Variants in KDM4C observed in about 807,000 individuals in gnomAD.
KDM4C encodes the protein lysine-specific demethylase 4C.
KDM4C carries 81 observed loss-of-function variants against 129.3 expected under a neutral mutation model. The observed-to-expected ratio is 0.63, with a 90% CI of 0.52 to 0.75. The LOEUF (loss-of-function observed/expected upper bound fraction) is 0.75. KDM4C is among the 30% of genes least tolerant of loss of function. The probability of loss-of-function intolerance (pLI) is 0.00; values close to 1 mark genes in which losing one functional copy is unlikely to be tolerated. For missense variants in KDM4C, 1,457 were observed against 1,304.0 expected (o/e 1.12, Z -1.81); for synonymous variants, 573 against 456.1 (o/e 1.26, Z -3.26).
intron 18 of KDM4C, among the ~76,000 whole-genome samples, chr9:7,115,450 A>C (rs1011012234): frequency 2.6e-5 from 4 of 152,172 alleles, no homozygotes. Context: ...ACAGTAGAAA[A>C]ATATAAATGG....
chr9:6,813,291 C>T (rs1292238947), intron 3 of KDM4C, among the ~76,000 whole-genome samples: 1 of 152,188 alleles, frequency 6.6e-6, no homozygotes, highest in Admixed American at 6.5e-5. Flanking sequence ...CTGCTTTGGG[C>T]TCCCAAAATG....
intron 17 of KDM4C, among the ~76,000 whole-genome samples, chr9:7,098,674 A>G (rs945849233): frequency 1.3e-5 from 2 of 151,624 alleles, no homozygotes; most frequent in African/African-American, 4.8e-5. Flanking sequence ...CTCCCCAGCC[A>G]CTCTTTAGCT....
Position 6,805,777 on chromosome 9 carries a change from G to A in KDM4C, c.320+3G>A, listed in dbSNP as rs893533098. 4 of 1,607,174 alleles carry A rather than the reference G, an allele frequency of 2.5e-6. No individual in the cohort carries two copies. In the African/African-American group the frequency reaches 5.4e-5, roughly 22 times the overall value. ...AGGCAGCTGGCCAACAGTGGCAAGTGAGTAGAATCAGTTTGCTATTTCTGT... is the reference window on the plus strand; with the variant it reads ...AGGCAGCTGGCCAACAGTGGCAAGTAAGTAGAATCAGTTTGCTATTTCTGT... On this transcript the variant is annotated splice_donor_region_variant and intron_variant, in intron 3 of 21. Transcript: ENST00000381309.
chr9:7,030,896 C>G (rs918449368), intron 15 of KDM4C, among the ~76,000 whole-genome samples: 1 of 152,056 alleles, frequency 6.6e-6, no homozygotes, highest in Non-Finnish European at 1.5e-5. Context: ...GGTTGGAATT[C>G]TCATTCCATA....
intron 15 of KDM4C, among the ~76,000 whole-genome samples, chr9:7,022,670 G>C (rs1260285532): frequency 6.8e-6 from 1 of 148,082 alleles, no homozygotes; most frequent in African/African-American, 2.5e-5. Context: ...ACGCTGGCTA[G>C]GATTTCCAGT....
intron 8 of KDM4C, among the ~76,000 whole-genome samples, chr9:6,958,320 C>G (rs576231860): frequency 5.9e-5 from 9 of 152,202 alleles, no homozygotes; most frequent in African/African-American, 1.9e-4. Flanking sequence ...TGCGGTGGCT[C>G]ACGCTTGTAA....
intron 8 of KDM4C, among the ~76,000 whole-genome samples, chr9:6,922,226 T>A: frequency 6.6e-6 from 1 of 152,214 alleles, no homozygotes; most frequent in Non-Finnish European, 1.5e-5. Flanking sequence ...TCTATCTAAT[T>A]CCTATCTTAA....
intron 8 of KDM4C, among the ~76,000 whole-genome samples, chr9:6,916,984 T>C (rs2131149133): frequency 6.6e-6 from 1 of 152,364 alleles, no homozygotes; most frequent in South Asian, 2.1e-4. Flanking sequence ...AATGAGGGAA[T>C]CTGCCTATTC....
chr9:6,857,523 C>T (rs1327295861), intron 5 of KDM4C, among the ~76,000 whole-genome samples: 1 of 152,140 alleles, frequency 6.6e-6, no homozygotes, highest in East Asian at 1.9e-4. Flanking sequence ...GACCACTGCT[C>T]AGCACAGAAT....
chr9:6,986,307 T>C (rs755404135), intron 10 of KDM4C, 37 bp from the exon 11 acceptor site: 7 of 1,408,742 alleles, frequency 5.0e-6, no homozygotes, highest in Non-Finnish European at 6.9e-6. Flanking sequence ...AGTAATACAG[T>C]GCATGATTTA....
At chr9:6,838,334 T>C (rs1836259317) in intron 4 of KDM4C, among the ~76,000 whole-genome samples, 1 of 152,210 alleles carries the variant, frequency 6.6e-6, no homozygotes, top group Non-Finnish European at 1.5e-5. Context: ...CTTCCCGGTA[T>C]GCACAGTGAT....
At chr9:7,143,361 G>A (rs1841940591) in intron 19 of KDM4C, among the ~76,000 whole-genome samples, 1 of 152,242 alleles carries the variant, frequency 6.6e-6, no homozygotes, top group Non-Finnish European at 1.5e-5. Flanking sequence ...CAAATCAGAT[G>A]TTAGCAAGAA....
chr9:7,125,684 AG>A (rs1839961430), intron 18 of KDM4C, among the ~76,000 whole-genome samples: 2 of 152,220 alleles, frequency 1.3e-5, no homozygotes, highest in South Asian at 4.1e-4. Flanking sequence ...TGTATTTCCC[AG>A]GAGTGTTCTA....
intron 17 of KDM4C, among the ~76,000 whole-genome samples, chr9:7,086,031 G>A (rs1292201800): frequency 2.6e-5 from 4 of 152,006 alleles, no homozygotes; most frequent in East Asian, 3.9e-4. Context: ...AGTGGCATGC[G>A]CCTGTAGTCC....
rs979658866 is a variant in KDM4C, at chr9:6,744,570, T to C, written c.49+23573T>C. On this transcript the variant is annotated intron_variant, in intron 1 of 17. Transcript: ENST00000536108. The stretch of plus-strand genomic sequence containing the variant: ...CTAGTAACAGCTTAATTTTTAAAAA[T>C]ATTTATAATAGAGACAGGGTCTACT... Among the ~76,000 whole-genome samples the C allele has an allele frequency of 2.0e-5, 3 of 151,996 alleles. 1 individual carries two copies.
intron 5 of KDM4C, among the ~76,000 whole-genome samples, chr9:6,850,899 C>T (rs563891970): frequency 5.7e-4 from 86 of 151,918 alleles, no homozygotes; most frequent in Non-Finnish European, 1.1e-3. Flanking sequence ...GGATGACAGG[C>T]GTGTGCCACC....
At chr9:7,030,793 G>A (rs1826595013) in intron 15 of KDM4C, among the ~76,000 whole-genome samples, 1 of 152,142 alleles carries the variant, frequency 6.6e-6, no homozygotes, top group African/African-American at 2.4e-5. Context: ...AACAAAAAAA[G>A]CAGCTATCCA....
chr9:7,174,803 G>T lies in KDM4C; in HGVS notation c.*74G>T. 1 of 1,352,390 alleles carries T rather than the reference G, an allele frequency of 7.4e-7. No individual in the cohort carries two copies. The highest frequency in any genetic ancestry group is 1.0e-6 in the Non-Finnish European group (1 of 967,484). 83.8% of individuals were successfully genotyped at this position (1,352,390 alleles called of 1,614,324 possible). A position where few individuals can be genotyped will look rare whatever the true frequency, so the allele number is the denominator to read the frequency against. ...AAGATGAAGGGACATCCTTGGGGCT[G>T]TGCCGTGAGTTTTGCTGGCATAGGT... On this transcript the variant is annotated 3_prime_UTR_variant, in exon 22 of 22. Coordinates refer to ENST00000381309, the MANE Select transcript of KDM4C (RefSeq NM_015061.6).
rs149774727 is a variant in KDM4C at position 7,104,527 on chromosome 9, A to C, written c.2610+657A>C. ...TTTCTGGGAAAAGTGTTTGCAACCA[A>C]ATAATATGAATTTAGCCATATTTCT... On this transcript the variant is annotated intron_variant, in intron 18 of 21. Coordinates refer to ENST00000381309, the MANE Select transcript of KDM4C (RefSeq NM_015061.6). Among the ~76,000 whole-genome samples the C allele has an allele frequency of 3.9e-5, 6 of 152,342 alleles. No homozygotes were observed. The East Asian group carries it at 1.2e-3, about 29-fold the overall frequency.
Sources: gnomAD v4.1 joint callset for allele counts (sites outside exome capture counted in the v4.1 genomes callset) on GRCh38, gnomAD v4.1.1 for gene constraint, MANE v1.5 for transcripts, NCBI Gene and HGNC (gene_info 2026-07-23, HGNC 2026-07-21) for gene names.